SOX5: variants seen among roughly 807,000 people sequenced by gnomAD.
The protein encoded by SOX5 is transcription factor SOX-5.
In SOX5, 9 loss-of-function variants were observed where a neutral mutation model predicts 92.0. That is an observed-to-expected ratio of 0.10 (90% CI 0.06 to 0.17). SOX5 has a LOEUF of 0.17. Ranked by LOEUF, SOX5 falls within the 10% of genes least tolerant of loss-of-function variation. The pLI, the probability that SOX5 is intolerant of heterozygous loss-of-function variation, is 1.00. For synonymous variants in SOX5, 344 were observed against 336.3 expected, an observed-to-expected ratio of 1.02 and a Z score of -0.25; for missense variants, 642 against 944.5, an observed-to-expected ratio of 0.68 and a Z score of 4.20.
intron 3 of SOX5, among the ~76,000 whole-genome samples, chr12:23,786,367 A>G (rs2095377558): frequency 6.6e-6 from 1 of 152,080 alleles, no homozygotes; most frequent in Non-Finnish European, 1.5e-5. Flanking sequence ...TTTTCTTTTC[A>G]GGAATGATAA....
rs2097178448 is a variant in SOX5 at position 23,896,434 on chromosome 12, A to G, written c.39-410T>C. Among the ~76,000 whole-genome samples the G allele has an allele frequency of 2.0e-5, 3 of 152,178 alleles. No individual in the cohort carries two copies. In the South Asian group the frequency reaches 6.2e-4, roughly 31 times the overall value. On this transcript the variant is annotated intron_variant, in intron 1 of 14. Transcript: ENST00000451604. ...AGTTTAAAAGAAGAGAAATAACTAA[A>G]ATTTCTTTCATCAAAAAATAGACTC...
intron 2 of SOX5, among the ~76,000 whole-genome samples, chr12:23,882,098 G>A (rs1443592197): frequency 6.6e-6 from 1 of 152,164 alleles, no homozygotes; most frequent in Non-Finnish European, 1.5e-5. Context: ...CTCAGTAGGT[G>A]TGTCAGTTTG....
intron 6 of SOX5, among the ~76,000 whole-genome samples, chr12:23,705,077 C>T (rs987911276): frequency 2.6e-5 from 4 of 151,840 alleles, no homozygotes; most frequent in African/African-American, 9.7e-5. Flanking sequence ...AATTAACAAG[C>T]ATTTCATACA....
intron 2 of SOX5, among the ~76,000 whole-genome samples, chr12:24,350,101 G>A (rs928094542): frequency 1.3e-5 from 2 of 152,220 alleles, no homozygotes; most frequent in African/African-American, 4.8e-5. Flanking sequence ...TGGTTTTGAT[G>A]TAGTCTGTAA....
chr12:24,103,518 C>T (rs570530497), intron 4 of SOX5, among the ~76,000 whole-genome samples: 1 of 152,088 alleles, frequency 6.6e-6, no homozygotes, highest in African/African-American at 2.4e-5. Context: ...CCATGGCCAG[C>T]TAATATTTTT....
chr12:24,490,785 G>T (rs995934102), intron 1 of SOX5, among the ~76,000 whole-genome samples: 8 of 152,026 alleles, frequency 5.3e-5, no homozygotes, highest in Non-Finnish European at 1.2e-4. Flanking sequence ...CCTTGTTATT[G>T]TCTATTGCTC....
chr12:23,753,162 AT>A (rs1173577779), intron 4 of SOX5, among the ~76,000 whole-genome samples: 1 of 151,762 alleles, frequency 6.6e-6, no homozygotes, highest in Non-Finnish European at 1.5e-5. Flanking sequence ...AAAGTCTATC[AT>A]TTTTTACTTT....
chr12:24,248,000 T>C (rs1029743978), intron 3 of SOX5, among the ~76,000 whole-genome samples: 1 of 152,102 alleles, frequency 6.6e-6, no homozygotes, highest in African/African-American at 2.4e-5. Flanking sequence ...CAGAGACATT[T>C]TCTTTTAAGC....
chr12:24,326,555 T>C (rs1950702433), intron 2 of SOX5, among the ~76,000 whole-genome samples: 1 of 152,162 alleles, frequency 6.6e-6, no homozygotes, highest in Non-Finnish European at 1.5e-5. Flanking sequence ...AACGAGGTTA[T>C]GAAGCGGTGC....
At chr12:24,131,949 T>C (rs961540234) in intron 4 of SOX5, among the ~76,000 whole-genome samples, 5 of 152,184 alleles carry the variant, frequency 3.3e-5, no homozygotes, top group African/African-American at 4.8e-5. Flanking sequence ...TGTCAGGGGC[T>C]AATTCAGACT....
chr12:24,034,333 C>T (rs1955802885), intron 4 of SOX5, among the ~76,000 whole-genome samples: 1 of 152,026 alleles, frequency 6.6e-6, no homozygotes, highest in Admixed American at 6.6e-5. Context: ...TCTCCCCTCT[C>T]TGGATGCCTC....
intron 2 of SOX5, among the ~76,000 whole-genome samples, chr12:24,350,500 T>C (rs981749364): frequency 1.3e-5 from 2 of 152,162 alleles, no homozygotes; most frequent in Admixed American, 1.3e-4. Flanking sequence ...CGTGCCACCA[T>C]GCCCAGCTAA....
At chr12:24,421,134 G>T (rs1227783733) in intron 1 of SOX5, among the ~76,000 whole-genome samples, 1 of 152,144 alleles carries the variant, frequency 6.6e-6, no homozygotes, top group Non-Finnish European at 1.5e-5. Flanking sequence ...TTATTATGGT[G>T]AAAGTTCAGA....
chr12:23,970,842 T>TATATATATATATATATATATATA (rs1234524602), intron 4 of SOX5, among the ~76,000 whole-genome samples: 4 of 5,958 alleles, frequency 6.7e-4, no homozygotes, highest in African/African-American at 8.4e-4. Context: ...ATATATATAA[T>TATATATATATATATATATATATA]TTTTTTTTTT....
chr12:23,854,154 T>C (rs959293381), intron 2 of SOX5, among the ~76,000 whole-genome samples: 2 of 152,118 alleles, frequency 1.3e-5, no homozygotes, highest in Non-Finnish European at 2.9e-5. Context: ...GTTGCTTAAG[T>C]ATAGAAAATT....
chr12:24,119,041 AT>A (rs143203842), intron 4 of SOX5, among the ~76,000 whole-genome samples: 12 of 151,304 alleles, frequency 7.9e-5, no homozygotes, highest in Admixed American at 2.0e-4. Flanking sequence ...AATGAGGAAT[AT>A]TTTTTTTAAT....
At chr12:24,440,738 C>T (rs111738645) in intron 1 of SOX5, among the ~76,000 whole-genome samples, 1 of 152,102 alleles carries the variant, frequency 6.6e-6, no homozygotes, top group Non-Finnish European at 1.5e-5. Flanking sequence ...GTCCTCCTCC[C>T]CTCACCTACT....
At chr12:24,427,521 C>T (rs1338394131) in intron 1 of SOX5, among the ~76,000 whole-genome samples, 4 of 152,262 alleles carry the variant, frequency 2.6e-5, no homozygotes, top group African/African-American at 4.8e-5. Flanking sequence ...GGCTAAAATG[C>T]TACTTTTCTT....
intron 3 of SOX5, among the ~76,000 whole-genome samples, chr12:23,774,000 G>T (rs181028772): frequency 1.8e-3 from 270 of 152,116 alleles, no homozygotes; most frequent in African/African-American, 5.8e-3. Flanking sequence ...AAGGTATTTA[G>T]CCAGGGTCTG....
Sources: allele counts gnomAD v4.1 joint callset (sites outside exome capture counted in the v4.1 genomes callset), GRCh38; gene constraint gnomAD v4.1.1; transcripts MANE v1.5; gene names NCBI Gene and HGNC (gene_info 2026-07-23, HGNC 2026-07-21).